NLE1: variants seen among roughly 807,000 people sequenced by gnomAD.
NLE1 encodes notchless protein homolog 1.
NLE1 carries 37 observed loss-of-function variants against 62.8 expected under a neutral mutation model. The ratio of observed to expected loss-of-function variants is 0.59; its 90% CI spans 0.45 to 0.78. The LOEUF is 0.78. NLE1 is among the 30% of genes least tolerant of loss of function. The probability of loss-of-function intolerance (pLI) is 0.00; values close to 1 mark genes in which losing one functional copy is unlikely to be tolerated. For missense variants in NLE1, 555 were observed against 637.9 expected (o/e 0.87, Z 1.40); for synonymous variants, 243 against 253.0 (o/e 0.96, Z 0.37).
At chr17:35,142,191 AG>A in intron 1 of NLE1, 66 bp downstream of exon 1, 1 of 1,593,178 alleles carries the variant, frequency 6.3e-7, no homozygotes, top group East Asian at 2.3e-5. Context: ...CGCCTCTCTC[AG>A]GCCTCAGGGA....
chr17:35,139,919 T>C lies in NLE1; in HGVS notation c.310A>G (p.Thr104Ala), dbSNP rs2091932379. The C allele has an allele frequency of 6.2e-7, 1 of 1,614,036 alleles. No individual in the cohort carries two copies. Among genetic ancestry groups the C allele is most frequent in the Non-Finnish European group, 8.5e-7 (1 of 1,180,030 alleles). ...CCCTCCAAGGAGCTGGTGCAGCGAG[T>C]CACAGCCCGGACTCTGAAGATAGCC... ...PQAIFRVRAV[T>A]RCTSSLEGHS... Residue 104 changes from threonine (T) to alanine (A), a missense_variant, in exon 3 of 13, where the codon ACT becomes GCT. Coordinates refer to ENST00000442241, the MANE Select transcript of NLE1 (RefSeq NM_018096.5).
chr17:35,136,419 T>C lies in NLE1; in HGVS notation c.907A>G (p.Thr303Ala). 1 of 1,614,144 alleles carries C rather than the reference T, an allele frequency of 6.2e-7. No individual in the cohort carries two copies. Among genetic ancestry groups the C allele is most frequent in the Non-Finnish European group, 8.5e-7 (1 of 1,180,002 alleles). ...GCCTCAGCAGGTTCAAAGGCCCCAG[T>C]GCGCAGGGCATAGTCAGTGCTGAGG... ...MALSTDYALR[T>A]GAFEPAEASV... The change falls in exon 8 of 13, where the codon ACT (threonine) becomes GCT (alanine). Residue 303 changes from threonine (T) to alanine (A), a missense_variant. Physicochemically the swap from Thr to Ala is moderately conservative, Grantham distance 58. Transcript: ENST00000442241.
Position 35,130,491 on chromosome 17 carries a change from G to A in NLE1, c.*1946C>T, listed in dbSNP as rs967790487. On this transcript the variant is annotated 3_prime_UTR_variant, in exon 13 of 13. Coordinates refer to ENST00000442241, the MANE Select transcript of NLE1 (RefSeq NM_018096.5). Reference sequence around the variant, plus strand: ...TTTCAGCTTCAACCCCAGGCCCTCAGAAACCAGAGCCATGAGACCTACCAT... The same window carrying A: ...TTTCAGCTTCAACCCCAGGCCCTCAAAAACCAGAGCCATGAGACCTACCAT... 5.1e-6 allele frequency: 8 copies of A among 1,566,526 alleles called. No homozygotes were observed. In the African/African-American group the frequency reaches 1.1e-4, roughly 21 times the overall value.
intron 4 of NLE1, among the ~76,000 whole-genome samples, chr17:35,138,159 T>G (rs1174165228): frequency 6.6e-6 from 1 of 152,242 alleles, no homozygotes; most frequent in African/African-American, 2.4e-5. Flanking sequence ...TCCCTTGTTA[T>G]TTCTCACAAG....
At chr17:35,132,505 G>A (rs184393978) in intron 12 of NLE1, 56 bp from the exon 13 acceptor site, 34 of 1,302,356 alleles carry the variant, frequency 2.6e-5, no homozygotes, top group South Asian at 4.8e-5. Context: ...AAGGGAGGCC[G>A]TCATATAATC....
intron 3 of NLE1, 140 bp from the exon 4 acceptor site, chr17:35,139,454 G>A: frequency 2.9e-6 from 2 of 685,830 alleles, no homozygotes; most frequent in Non-Finnish European, 2.5e-6. Flanking sequence ...GCTGTCCTCT[G>A]GGAGAATACA....
Position 35,129,554 on chromosome 17 carries a change from G to T in NLE1, c.*2883C>A, listed in dbSNP as rs1384811875. 1 of 1,614,018 alleles carries T rather than the reference G, an allele frequency of 6.2e-7. No homozygotes were observed. Among genetic ancestry groups the T allele is most frequent in the Non-Finnish European group, 8.5e-7 (1 of 1,180,040 alleles). The stretch of plus-strand genomic sequence containing the variant: ...TCCATGGATCTTCAACAAGATTTTG[G>T]GCACTACTGTCAAGCTGATGGAGCT... On this transcript the variant is annotated 3_prime_UTR_variant, in exon 13 of 13. Transcript: ENST00000442241.
At chr17:35,136,868 C>T in intron 7 of NLE1, 133 bp downstream of exon 7, 1 of 877,190 alleles carries the variant, frequency 1.1e-6, no homozygotes, top group Non-Finnish European at 1.8e-6. Flanking sequence ...ATTCCCAAAA[C>T]ACCTCCCTAG....
rs370621441 is a variant in NLE1, at chr17:35,142,244, C to T, written c.18+14G>A. On this transcript the variant is annotated intron_variant, in intron 1 of 12. Transcript: ENST00000442241. ...CCGCGGCGACGCCCCCCGCCCCCAT[C>T]CACGCACACCCACCGGCACTGCTGC... is the stretch of plus-strand genomic sequence containing the variant. 77 of 1,549,952 alleles carry T rather than the reference C, an allele frequency of 5.0e-5. No individual in the cohort carries two copies. In the East Asian group the frequency reaches 1.0e-3, roughly 21 times the overall value.
chr17:35,136,131 T>A, intron 9 of NLE1, 38 bp downstream of exon 9: 1 of 1,611,258 alleles, frequency 6.2e-7, no homozygotes, highest in Non-Finnish European at 8.5e-7. Flanking sequence ...TAAGGACTGG[T>A]ACAGAGCTAG....
chr17:35,142,008 G>T lies in NLE1; in HGVS notation c.133C>A (p.Gln45Lys). The T allele has an allele frequency of 6.2e-7, 1 of 1,600,800 alleles. No individual in the cohort carries two copies. ...VPVDITPDRL[Q>K]LVCNALLAQE... ...GCCAGTAGCGCGTTGCACACGAGCT[G>T]CAGCCTGTCCGGGGTGATGTCCACG... Residue 45 changes from glutamine to lysine, a missense_variant, in exon 2 of 13, where the codon CAG becomes AAG. Gln to Lys is a moderately conservative substitution (Grantham distance 53). Coordinates refer to ENST00000442241, the MANE Select transcript of NLE1 (RefSeq NM_018096.5).
intron 1 of NLE1, 32 bp downstream of exon 1, chr17:35,142,226 G>T (rs778390282): frequency 1.3e-6 from 2 of 1,556,158 alleles, no homozygotes; most frequent in Non-Finnish European, 8.7e-7. Context: ...GCCCCGCGGC[G>T]ACGCCCCCCG....
intron 9 of NLE1, 105 bp from the exon 10 acceptor site, chr17:35,135,556 C>T (rs924948454): frequency 1.0e-6 from 1 of 982,908 alleles, no homozygotes; most frequent in African/African-American, 1.6e-5. Context: ...ATGCCAGGGA[C>T]AGAGAGAGGC....
At chr17:35,140,186 G>C (rs1442195716) in intron 2 of NLE1, 120 bp from the exon 3 acceptor site, 1 of 1,102,862 alleles carries the variant, frequency 9.1e-7, no homozygotes, top group Non-Finnish European at 1.3e-6. Context: ...CATCGTGCTA[G>C]GGATACCCCC....
intron 8 of NLE1, 24 bp from the exon 9 acceptor site, chr17:35,136,239 G>A: frequency 6.2e-7 from 1 of 1,613,906 alleles, no homozygotes; most frequent in Non-Finnish European, 8.5e-7. Flanking sequence ...CCGGAGGGGA[G>A]AAAAGGAGAT....
rs1476474994 is a variant in NLE1, at chr17:35,140,017, G to A, written c.212C>T (p.Ser71Phe). The change falls in exon 3 of 13, where the codon TCC (serine) becomes TTC (phenylalanine). Residue 71 changes from serine to phenylalanine, a missense_variant. Coordinates refer to ENST00000442241, the MANE Select transcript of NLE1 (RefSeq NM_018096.5). The part of the protein sequence containing the change: ...AFFVHDAEIV[S>F]SLGKTLESQA... Reference sequence around the variant, plus strand: ...GGACTCCAACGTCTTCCCCAGTGAGGAGACGATCTCAGCATCGTGGACAAA... The same window carrying A: ...GGACTCCAACGTCTTCCCCAGTGAGAAGACGATCTCAGCATCGTGGACAAA... 3.7e-6 allele frequency: 6 copies of A among 1,614,012 alleles called. No homozygotes were observed. Among genetic ancestry groups the A allele is most frequent in the African/African-American group, 2.7e-5 (2 of 75,050 alleles).
In NLE1 at chr17:35,134,424, C is replaced by G. The variant is rs144049721; in HGVS notation, c.1214+825G>C. The stretch of plus-strand genomic sequence containing the variant: ...CTAGCATTTTTTTTTTTTTGAGACA[C>G]AGTATCACTCTGTTGCCCAGGCTGG... On this transcript the variant is annotated intron_variant, in intron 10 of 12. Coordinates refer to ENST00000442241, the MANE Select transcript of NLE1 (RefSeq NM_018096.5). Among the ~76,000 whole-genome samples the G allele has an allele frequency of 7.5e-3, 1,136 of 151,728 alleles. 39 individuals are homozygous for G. The East Asian group carries it at 0.11, about 14-fold the overall frequency.
chr17:35,139,804 C>T (rs2091931486), intron 3 of NLE1, 45 bp downstream of exon 3: 7 of 1,595,894 alleles, frequency 4.4e-6, no homozygotes, highest in East Asian at 2.2e-5. Flanking sequence ...CAGGCAAAGA[C>T]TGCACCCCCA....
chr17:35,142,244 C>G lies in NLE1; in HGVS notation c.18+14G>C. 1 of 1,549,952 alleles carries G rather than the reference C, an allele frequency of 6.5e-7. No homozygotes were observed. Among genetic ancestry groups the G allele is most frequent in the Non-Finnish European group, 8.7e-7 (1 of 1,149,844 alleles). Reference sequence around the variant, plus strand: ...CCGCGGCGACGCCCCCCGCCCCCATCCACGCACACCCACCGGCACTGCTGC... The same window carrying G: ...CCGCGGCGACGCCCCCCGCCCCCATGCACGCACACCCACCGGCACTGCTGC... On this transcript the variant is annotated intron_variant, in intron 1 of 12. Transcript: ENST00000442241.
Sources: allele counts gnomAD v4.1 joint callset (sites outside exome capture counted in the v4.1 genomes callset), GRCh38; gene constraint gnomAD v4.1.1; transcripts MANE v1.5; gene names NCBI Gene and HGNC (gene_info 2026-07-23, HGNC 2026-07-21).